Variants in FAF1 observed in about 807,000 individuals in gnomAD.
The protein encoded by FAF1 is Fas associated factor 1.
In FAF1, 25 loss-of-function variants were observed where a neutral mutation model predicts 92.5. That is an observed-to-expected ratio of 0.27 (90% CI 0.20 to 0.38). The LOEUF is 0.38. FAF1 is among the 10% of genes least tolerant of loss of function. FAF1 has a pLI of 1.00. For missense variants in FAF1, 636 were observed against 793.3 expected (o/e 0.80, Z 2.38); for synonymous variants, 234 against 273.2 (o/e 0.86, Z 1.42).
At chr1:50,726,424 C>T (rs1256826631) in intron 6 of FAF1, among the ~76,000 whole-genome samples, 2 of 152,118 alleles carry the variant, frequency 1.3e-5, no homozygotes, top group Non-Finnish European at 1.5e-5. Flanking sequence ...AGGCTGGGCA[C>T]GGTAGCTCAC....
At chr1:50,508,455 A>G (rs1426843661) in intron 15 of FAF1, among the ~76,000 whole-genome samples, 2 of 152,364 alleles carry the variant, frequency 1.3e-5, no homozygotes, top group East Asian at 3.9e-4. Flanking sequence ...AAGCTTGAAG[A>G]CATTAAGTGC....
chr1:50,477,911 C>T (rs899887804), intron 17 of FAF1, among the ~76,000 whole-genome samples: 2 of 152,170 alleles, frequency 1.3e-5, no homozygotes, highest in Non-Finnish European at 2.9e-5. Context: ...ATTGTAGGCA[C>T]GTACTAGGTG....
chr1:50,572,676 TCACTA>T (rs1650500273), intron 12 of FAF1, among the ~76,000 whole-genome samples: 1 of 152,170 alleles, frequency 6.6e-6, no homozygotes, highest in South Asian at 2.1e-4. Context: ...CTTGGGAAAG[TCACTA>T]CACTTTTGTG....
chr1:50,913,835 G>T (rs920120500), intron 1 of FAF1, among the ~76,000 whole-genome samples: 1 of 152,128 alleles, frequency 6.6e-6, no homozygotes, highest in Admixed American at 6.5e-5. Context: ...ACTTACTATG[G>T]CCTGAGTAAA....
intron 1 of FAF1, among the ~76,000 whole-genome samples, chr1:50,953,436 GA>G (rs959091769): frequency 7.3e-5 from 11 of 150,656 alleles, no homozygotes; most frequent in Admixed American, 5.9e-4. Context: ...TTTAAAAAAA[GA>G]AAAAAAAGAA....
intron 2 of FAF1, chr1:50,846,944 G>C (rs1344668023): frequency 4.0e-6 from 1 of 252,068 alleles, no homozygotes; most frequent in African/African-American, 2.3e-5. Flanking sequence ...ATATAAGAGT[G>C]TATTGCAGGT....
chr1:50,720,695 T>G (rs1036387838), intron 6 of FAF1, among the ~76,000 whole-genome samples: 7 of 152,132 alleles, frequency 4.6e-5, no homozygotes, highest in African/African-American at 1.4e-4. Flanking sequence ...ACCCTAGGAA[T>G]CTTATCAACC....
chr1:50,787,601 C>T (rs1316162109), intron 4 of FAF1, among the ~76,000 whole-genome samples: 1 of 152,118 alleles, frequency 6.6e-6, no homozygotes, highest in East Asian at 1.9e-4. Flanking sequence ...ATTTCTGTTC[C>T]TTATAAATTA....
At chr1:50,943,615 A>G (rs151198187) in intron 1 of FAF1, among the ~76,000 whole-genome samples, 257 of 152,310 alleles carry the variant, frequency 1.7e-3, no homozygotes, top group African/African-American at 5.6e-3. Context: ...GTCTAATTGA[A>G]TGACTCCCCT....
intron 1 of FAF1, among the ~76,000 whole-genome samples, chr1:50,921,484 A>G (rs547416627): frequency 6.6e-6 from 1 of 152,360 alleles, no homozygotes; most frequent in South Asian, 2.1e-4. Context: ...TAAAGTGGCC[A>G]GGCATGGTGG....
At chr1:50,767,929 T>A (rs900082303) in intron 4 of FAF1, among the ~76,000 whole-genome samples, 6 of 152,110 alleles carry the variant, frequency 3.9e-5, no homozygotes, top group African/African-American at 1.4e-4. Context: ...GATGACTGGA[T>A]CAAATCCACA....
chr1:50,646,831 C>A (rs1654612049), intron 8 of FAF1, among the ~76,000 whole-genome samples: 2 of 152,060 alleles, frequency 1.3e-5, no homozygotes, highest in Non-Finnish European at 1.5e-5. Context: ...TAAATATGAT[C>A]TCAGAAGGAC....
At chr1:50,847,322 G>A (rs2124652683) in intron 2 of FAF1, among the ~76,000 whole-genome samples, 1 of 151,186 alleles carries the variant, frequency 6.6e-6, no homozygotes, top group South Asian at 2.1e-4. Context: ...AATTTTAGAT[G>A]ACTATGATTA....
chr1:50,511,986 TA>T (rs1171828441), intron 15 of FAF1, among the ~76,000 whole-genome samples: 1 of 152,250 alleles, frequency 6.6e-6, no homozygotes, highest in African/African-American at 2.4e-5. Flanking sequence ...TGCATTTCTC[TA>T]ATGACCAGTG....
chr1:50,912,423 GTGGAAAAGGAGCCTTGCCCAC>G (rs758976635), intron 1 of FAF1, among the ~76,000 whole-genome samples: 31 of 152,194 alleles, frequency 2.0e-4, no homozygotes, highest in Non-Finnish European at 4.1e-4. Context: ...CACGAGTATA[GTGGAAAAGGAGCCTTGCCCAC>G]CACCTGCCCC....
intron 7 of FAF1, among the ~76,000 whole-genome samples, chr1:50,684,257 CTTTTTTTTTTT>C (rs756495229): frequency 7.9e-5 from 9 of 114,436 alleles, no homozygotes; most frequent in African/African-American, 2.9e-4. Context: ...TTCCAACAGA[CTTTTTTTTTTT>C]TTTTTTTTTT....
intron 4 of FAF1, among the ~76,000 whole-genome samples, chr1:50,779,780 A>AT (rs1661095553): frequency 6.6e-6 from 1 of 151,952 alleles, no homozygotes; most frequent in South Asian, 2.1e-4. Flanking sequence ...TAGATAATAC[A>AT]TTTTTTAAAA....
At chr1:50,488,381 C>T (rs757400887) in intron 17 of FAF1, among the ~76,000 whole-genome samples, 12 of 152,154 alleles carry the variant, frequency 7.9e-5, no homozygotes, top group African/African-American at 2.4e-5. Context: ...AAATTACATA[C>T]GCTGCCAAGC....
Position 50,440,773 on chromosome 1 carries a change from C to T in FAF1, c.*667G>A, listed in dbSNP as rs1646158859. On this transcript the variant is annotated 3_prime_UTR_variant, in exon 19 of 19. Transcript: ENST00000396153. ...TCACATTGTGTGCTTGAACAGTTTC[C>T]CTATGCTGCAATGGAACAGCAAATA... is the stretch of plus-strand genomic sequence containing the variant. The T allele has an allele frequency of 6.6e-6, 1 of 152,220 alleles. No individual in the cohort carries two copies. Among genetic ancestry groups the T allele is most frequent in the African/African-American group, 2.4e-5 (1 of 41,456 alleles). 9.4% of individuals were successfully genotyped at this position (152,220 alleles called of 1,614,324 possible). A position where few individuals can be genotyped will look rare whatever the true frequency, so the allele number is the denominator to read the frequency against.
Sources: allele counts gnomAD v4.1 joint callset (sites outside exome capture counted in the v4.1 genomes callset), GRCh38; gene constraint gnomAD v4.1.1; transcripts MANE v1.5; gene names NCBI Gene and HGNC (gene_info 2026-07-23, HGNC 2026-07-21).